FBXO11: variants seen among roughly 807,000 people sequenced by gnomAD.
FBXO11 encodes F-box only protein 11.
FBXO11 carries 13 observed loss-of-function variants against 117.0 expected under a neutral mutation model. The ratio of observed to expected loss-of-function variants is 0.11; its 90% confidence interval spans 0.07 to 0.18. The LOEUF (loss-of-function observed/expected upper bound fraction) is 0.18. Among genes scored for constraint, FBXO11 ranks in the 10% least tolerant of loss-of-function variants. The pLI is 1.00. For synonymous variants in FBXO11, 490 were observed against 380.5 expected, an observed-to-expected ratio of 1.29 and a Z score of -3.35; for missense variants, 767 against 1,164.4, an observed-to-expected ratio of 0.66 and a Z score of 4.97.
chr2:47,852,071 A>T (rs1440244573), intron 1 of FBXO11, among the ~76,000 whole-genome samples: 1 of 148,672 alleles, frequency 6.7e-6, no homozygotes, highest in Non-Finnish European at 1.5e-5. Flanking sequence ...GGCTCACTGC[A>T]ACCTCCACAC....
At position 47,905,668 on chromosome 2, in the gene FBXO11, C is replaced by T. The variant is rs1384196378; in HGVS notation, c.53G>A (p.Arg18His). The change falls in exon 1 of 23, where the codon CGC becomes CAC. Residue 18 changes from arginine (R) to histidine (H), a missense_variant. Arg to His is a conservative substitution (Grantham distance 29). Coordinates refer to ENST00000403359, the MANE Select transcript of FBXO11 (RefSeq NM_001190274.2). The stretch of plus-strand genomic sequence containing the variant: ...CTGCTGCTGCTGTTGCTGCACCGGG[C>T]GCGGCCGCGACACTCGCCTGGGTCT... ...NRRPRRVSRPRPVQQQQQQPP... is the reference protein window; with the variant it reads ...NRRPRRVSRPHPVQQQQQQPP... 1.3e-6 allele frequency: 2 copies of T among 1,501,356 alleles called. No individual in the cohort carries two copies. Among genetic ancestry groups the T allele is most frequent in the Admixed American group, 2.1e-5 (1 of 47,922 alleles). 93.0% of individuals were successfully genotyped at this position (1,501,356 alleles called of 1,614,324 possible). A position where few individuals can be genotyped will look rare whatever the true frequency, so the allele number is the denominator to read the frequency against.
chr2:47,847,878 A>G (rs1352389791), intron 1 of FBXO11, among the ~76,000 whole-genome samples: 1 of 152,128 alleles, frequency 6.6e-6, no homozygotes, highest in Non-Finnish European at 1.5e-5. Context: ...TAATCCCAGC[A>G]CTTTGGGAGG....
intron 1 of FBXO11, among the ~76,000 whole-genome samples, chr2:47,867,512 AAAT>A (rs1675284638): frequency 6.6e-6 from 1 of 152,220 alleles, no homozygotes; most frequent in Admixed American, 6.5e-5. Flanking sequence ...GGAGAGCCAA[AAAT>A]AATTACTAAG....
chr2:47,870,953 T>C (rs1488940922), intron 1 of FBXO11, among the ~76,000 whole-genome samples: 5 of 152,202 alleles, frequency 3.3e-5, no homozygotes. Context: ...ATACTACTAC[T>C]TGAGCTCCAG....
chr2:47,906,041 G>A lies in FBXO11; in HGVS notation c.-321C>T, dbSNP rs1210608539. 1.6e-5 allele frequency: 4 copies of A among 253,274 alleles called. No individual in the cohort carries two copies. Among genetic ancestry groups the A allele is most frequent in the Non-Finnish European group, 2.3e-5 (3 of 131,502 alleles). The allele number at this position is 253,274 out of a possible 1,614,324, so 15.7% of individuals were successfully genotyped here. On this transcript the variant is annotated 5_prime_UTR_variant, in exon 1 of 23. Transcript: ENST00000403359. ...CGAGAGAAAGAAAGAAAGGGCGTCC[G>A]CCGCTTGGGGATCCCGAGGCGAAGC...
intron 11 of FBXO11, among the ~76,000 whole-genome samples, chr2:47,825,890 G>A (rs1395652773): frequency 6.6e-6 from 1 of 150,846 alleles, no homozygotes; most frequent in Non-Finnish European, 1.5e-5. Context: ...AAATCTGACT[G>A]GTAAACTTTT....
intron 1 of FBXO11, among the ~76,000 whole-genome samples, chr2:47,884,161 G>C (rs1452607712): frequency 3.9e-5 from 6 of 152,180 alleles, no homozygotes; most frequent in Non-Finnish European, 1.5e-5. Flanking sequence ...AGAGGTTTCA[G>C]TGAGCCGAGA....
At chr2:47,835,016 T>C (rs1672442237) in intron 5 of FBXO11, 145 bp from the exon 6 acceptor site, 1 of 656,388 alleles carries the variant, frequency 1.5e-6, no homozygotes, top group Non-Finnish European at 2.6e-6. Context: ...GAGTACAATG[T>C]AAAATCTAAA....
chr2:47,894,937 G>A (rs1315972803), intron 1 of FBXO11, among the ~76,000 whole-genome samples: 4 of 152,022 alleles, frequency 2.6e-5, no homozygotes, highest in African/African-American at 9.7e-5. Flanking sequence ...AGACTGAACT[G>A]TTAAAGGATA....
At chr2:47,890,984 T>C (rs895067037) in intron 1 of FBXO11, among the ~76,000 whole-genome samples, 12 of 146,500 alleles carry the variant, frequency 8.2e-5, no homozygotes, top group Non-Finnish European at 7.6e-5. Context: ...TACCGGGATT[T>C]TTTTTTTTTT....
At chr2:47,873,298 A>G (rs1675759440) in intron 1 of FBXO11, among the ~76,000 whole-genome samples, 1 of 152,194 alleles carries the variant, frequency 6.6e-6, no homozygotes. Flanking sequence ...CTCTCCCACA[A>G]TAAGCCTCAG....
chr2:47,860,107 G>A (rs894411547), intron 1 of FBXO11, among the ~76,000 whole-genome samples: 2 of 152,102 alleles, frequency 1.3e-5, no homozygotes, highest in Admixed American at 6.6e-5. Context: ...GAGCTTAAGA[G>A]GTTTTTTCCA....
intron 7 of FBXO11, 126 bp downstream of exon 7, chr2:47,834,453 T>C: frequency 1.5e-6 from 1 of 657,812 alleles, no homozygotes; most frequent in Non-Finnish European, 2.5e-6. Flanking sequence ...ATATGTGTGA[T>C]ATCTTCATTC....
At chr2:47,819,126 G>A (rs376428488) in intron 14 of FBXO11, 48 bp from the exon 15 acceptor site, 1 of 1,586,106 alleles carries the variant, frequency 6.3e-7, no homozygotes, top group East Asian at 2.2e-5. Flanking sequence ...TATAAGCAAG[G>A]CGTTTATAGT....
intron 1 of FBXO11, among the ~76,000 whole-genome samples, chr2:47,875,384 A>G (rs545446714): frequency 6.6e-6 from 1 of 152,166 alleles, no homozygotes; most frequent in Non-Finnish European, 1.5e-5. Flanking sequence ...AAATTTTTTT[A>G]TACGTTTTTG....
chr2:47,864,009 A>G (rs1376448277), intron 1 of FBXO11, among the ~76,000 whole-genome samples: 1 of 151,930 alleles, frequency 6.6e-6, no homozygotes, highest in Non-Finnish European at 1.5e-5. Flanking sequence ...GGGTTTTGCT[A>G]TTTTGAACAA....
At chr2:47,836,145 A>ATT (rs913013350) in intron 4 of FBXO11, 144 bp from the exon 5 acceptor site, 8 of 514,134 alleles carry the variant, frequency 1.6e-5, no homozygotes, top group South Asian at 5.6e-5. Context: ...AAATCACAGG[A>ATT]TTTTTTTTTT....
At chr2:47,835,178 T>A (rs1276515904) in intron 5 of FBXO11, among the ~76,000 whole-genome samples, 1 of 152,110 alleles carries the variant, frequency 6.6e-6, no homozygotes, top group African/African-American at 2.4e-5. Context: ...CCCAGCCAAA[T>A]AGCAGCAGCA....
chr2:47,833,841 T>C (rs997561546), intron 7 of FBXO11, among the ~76,000 whole-genome samples: 1 of 152,156 alleles, frequency 6.6e-6, no homozygotes, highest in Non-Finnish European at 1.5e-5. Flanking sequence ...ATTTTTTTTG[T>C]ATTTTTAGTA....
Sources: allele counts gnomAD v4.1 joint callset (sites outside exome capture counted in the v4.1 genomes callset), GRCh38; gene constraint gnomAD v4.1.1; transcripts MANE v1.5; gene names NCBI Gene and HGNC (gene_info 2026-07-23, HGNC 2026-07-21).